GALNT2: variants seen among roughly 807,000 people sequenced by gnomAD.
GALNT2 encodes UDP-GalNAc:polypeptide N-acetylgalactosaminyltransferase 2.
GALNT2 carries 31 observed loss-of-function variants against 81.4 expected under a neutral mutation model. The observed-to-expected ratio is 0.38, with a 90% CI of 0.29 to 0.51. GALNT2 has a LOEUF of 0.51. Among genes scored for constraint, GALNT2 ranks in the 20% least tolerant of loss-of-function variants. The probability of loss-of-function intolerance (pLI) is 0.87; values close to 1 mark genes in which losing one functional copy is unlikely to be tolerated. For missense variants in GALNT2, 629 were observed against 765.7 expected (o/e 0.82, Z 2.11); for synonymous variants, 303 against 287.4 (o/e 1.05, Z -0.55).
Position 230,262,626 on chromosome 1 carries a change from A to G in GALNT2, c.1190A>G (p.Tyr397Cys). The change falls in exon 12 of 16, where the codon TAT (tyrosine) becomes TGT (cysteine). Residue 397 changes from tyrosine (Y) to cysteine (C), a missense_variant. Tyr to Cys is a radical substitution (Grantham distance 194). Transcript: ENST00000366672. ...ATGGATGAATACAAAAATTTCTATT[A>G]TGCAGCAGTGCCTTCTGCTAGAAAC... ...VWMDEYKNFYYAAVPSARNVP... is the reference protein window; with the variant it reads ...VWMDEYKNFYCAAVPSARNVP... The G allele has an allele frequency of 6.2e-7, 1 of 1,613,934 alleles. No individual in the cohort carries two copies. The highest frequency in any genetic ancestry group is 8.5e-7 in the Non-Finnish European group (1 of 1,179,896).
Position 230,274,524 on chromosome 1 carries a change from T to A in GALNT2, c.1520T>A (p.Leu507His). Residue 507 changes from leucine to histidine, a missense_variant, in exon 15 of 16, where the codon CTT becomes CAT. Leu to His is a moderately conservative substitution (Grantham distance 99, BLOSUM62 -3). Transcript: ENST00000366672. ...LTVVDRAPGSLIKLQGCREND... is the reference protein window; with the variant it reads ...LTVVDRAPGSHIKLQGCREND... ...GTGGTGGACCGGGCACCGGGCTCTC[T>A]TATAAAGCTGCAGGGCTGCCGAGAA... 6.2e-7 allele frequency: 1 copy of A among 1,614,074 alleles called. No homozygotes were observed. Among genetic ancestry groups the A allele is most frequent in the Non-Finnish European group, 8.5e-7 (1 of 1,179,930 alleles).
intron 1 of GALNT2, among the ~76,000 whole-genome samples, chr1:230,165,674 G>A (rs905683268): frequency 6.6e-6 from 1 of 152,254 alleles, no homozygotes; most frequent in African/African-American, 2.4e-5. Context: ...GAATGTCCCA[G>A]CTGTTGAAGG....
At chr1:230,145,456 C>T (rs1036096425) in intron 1 of GALNT2, among the ~76,000 whole-genome samples, 17 of 152,246 alleles carry the variant, frequency 1.1e-4, no homozygotes, top group African/African-American at 4.1e-4. Flanking sequence ...TGTTTGAAGC[C>T]AGTCCCCCAT....
At chr1:230,126,431 G>C (rs1661178187) in intron 1 of GALNT2, among the ~76,000 whole-genome samples, 1 of 152,216 alleles carries the variant, frequency 6.6e-6, no homozygotes, top group Non-Finnish European at 1.5e-5. Context: ...TTGAGACCTG[G>C]AGACCAGGGA....
At chr1:230,069,261 GTTTT>G (rs955836661) in intron 1 of GALNT2, among the ~76,000 whole-genome samples, 130 of 144,258 alleles carry the variant, frequency 9.0e-4, no homozygotes, top group African/African-American at 3.6e-3. Flanking sequence ...TTCTTAGTTT[GTTTT>G]TTTTTGTTTT....
intron 1 of GALNT2, among the ~76,000 whole-genome samples, chr1:230,171,650 C>T (rs777653435): frequency 6.6e-6 from 1 of 152,164 alleles, no homozygotes; most frequent in South Asian, 2.1e-4. Context: ...TTTTATGTCT[C>T]CGTTAACAAA....
intron 1 of GALNT2, among the ~76,000 whole-genome samples, chr1:230,167,992 T>G (rs1207488249): frequency 1.3e-5 from 2 of 152,118 alleles, no homozygotes; most frequent in Admixed American, 1.3e-4. Context: ...AGAGACATTT[T>G]CTAGTCCAGT....
At chr1:230,136,623 G>A (rs2102819110) in intron 1 of GALNT2, among the ~76,000 whole-genome samples, 1 of 152,268 alleles carries the variant, frequency 6.6e-6, no homozygotes, top group Admixed American at 6.5e-5. Flanking sequence ...CAGCGGCTCT[G>A]CTCTGCCGCG....
chr1:230,225,013 A>G (rs1227539496), intron 3 of GALNT2, among the ~76,000 whole-genome samples: 1 of 152,228 alleles, frequency 6.6e-6, no homozygotes, highest in Non-Finnish European at 1.5e-5. Context: ...GATTTTTAAG[A>G]AGCTTGATTT....
chr1:230,213,711 C>G (rs563375209), intron 3 of GALNT2, among the ~76,000 whole-genome samples: 2 of 152,068 alleles, frequency 1.3e-5, no homozygotes, highest in Non-Finnish European at 2.9e-5. Context: ...TTTCTTTTTC[C>G]CTTGCATCCT....
intron 1 of GALNT2, among the ~76,000 whole-genome samples, chr1:230,176,476 C>G (rs1357547148): frequency 6.6e-6 from 1 of 152,084 alleles, no homozygotes; most frequent in Non-Finnish European, 1.5e-5. Flanking sequence ...AGGCCAGATG[C>G]TGGGGTGGGG....
In GALNT2 at chr1:230,232,337, G is replaced by A. The variant is rs1664891329; in HGVS notation, c.375-3677G>A. On this transcript the variant is annotated intron_variant, in intron 3 of 15. Transcript: ENST00000366672. ...ATGGATGCCTTATGAATATGTAGATGAATTTTAATAAAATGATACGAATGC... is the reference window on the plus strand; with the variant it reads ...ATGGATGCCTTATGAATATGTAGATAAATTTTAATAAAATGATACGAATGC... Among the ~76,000 whole-genome samples the A allele has an allele frequency of 2.0e-5, 3 of 152,238 alleles. No individual in the cohort carries two copies. In the South Asian group the frequency reaches 6.2e-4, roughly 32 times the overall value.
rs569140350 is a variant in GALNT2, at chr1:230,221,567, T to A, written c.375-14447T>A. 2.0e-5 allele frequency among the ~76,000 whole-genome samples: 3 copies of A among 152,306 alleles called. No individual in the cohort carries two copies. In the South Asian group the frequency reaches 6.2e-4, roughly 32 times the overall value. On this transcript the variant is annotated intron_variant, in intron 3 of 15. Coordinates refer to ENST00000366672, the MANE Select transcript of GALNT2 (RefSeq NM_004481.5). ...CCCGTCTTCCTTCCTTCATCTAGCT[T>A]TGGCTTCAAGATTATGTTAACTTTG... is the stretch of plus-strand genomic sequence containing the variant.
At chr1:230,127,535 G>A (rs1362134640) in intron 1 of GALNT2, among the ~76,000 whole-genome samples, 5 of 150,392 alleles carry the variant, frequency 3.3e-5, no homozygotes, top group Admixed American at 1.3e-4. Context: ...GGCACCATGC[G>A]CAGCTAATTT....
Position 230,275,005 on chromosome 1 carries a change from G to A in GALNT2, c.1560+441G>A, listed in dbSNP as rs1460209004. On this transcript the variant is annotated intron_variant, in intron 15 of 15. Coordinates refer to ENST00000366672, the MANE Select transcript of GALNT2 (RefSeq NM_004481.5). This position sits in a 1 kb window ranked among gnomAD's most constrained non-coding sequence, Gnocchi z 5.5. The stretch of plus-strand genomic sequence containing the variant: ...ATGCTACATATATACATATATACAT[G>A]CCACATATATACATATATACACGCC... 6.7e-6 allele frequency among the ~76,000 whole-genome samples: 1 copy of A among 149,802 alleles called. No homozygotes were observed. Among genetic ancestry groups the A allele is most frequent in the African/African-American group, 2.5e-5 (1 of 40,518 alleles).
chr1:230,164,401 C>T (rs988567057), intron 1 of GALNT2, among the ~76,000 whole-genome samples: 1 of 152,126 alleles, frequency 6.6e-6, no homozygotes, highest in African/African-American at 2.4e-5. Context: ...GTGTTTGACC[C>T]GTTTCTTGGA....
chr1:230,223,701 C>A (rs1356455221), intron 3 of GALNT2, among the ~76,000 whole-genome samples: 1 of 152,138 alleles, frequency 6.6e-6, no homozygotes, highest in East Asian at 1.9e-4. Context: ...GAACTCCTGA[C>A]CTCAGGTGAT....
intron 6 of GALNT2, among the ~76,000 whole-genome samples, chr1:230,240,186 A>G (rs575825261): frequency 6.6e-6 from 1 of 152,214 alleles, no homozygotes; most frequent in Non-Finnish European, 1.5e-5. Flanking sequence ...TTTTTCTCAT[A>G]GGCAGCACAA....
At chr1:230,179,267 G>A (rs931836860) in intron 2 of GALNT2, among the ~76,000 whole-genome samples, 1 of 152,162 alleles carries the variant, frequency 6.6e-6, no homozygotes, top group Non-Finnish European at 1.5e-5. Flanking sequence ...AAATATCTAT[G>A]TACCAGTTTT....
Sources: allele counts gnomAD v4.1 joint callset (sites outside exome capture counted in the v4.1 genomes callset), GRCh38; gene constraint gnomAD v4.1.1; non-coding constraint Gnocchi (gnomAD v3.1); transcripts MANE v1.5; gene names NCBI Gene and HGNC (gene_info 2026-07-23, HGNC 2026-07-21).